The following SGCZ variants were observed in gnomAD, a reference collection of about 807,000 sequenced individuals.
The protein encoded by SGCZ is zeta-sarcoglycan.
A neutral mutation model predicts 41.3 loss-of-function variants in SGCZ; 40 were observed. The ratio of observed to expected loss-of-function variants is 0.97; its 90% CI spans 0.75 to 1.26. SGCZ has a LOEUF of 1.26. SGCZ is among the 50% of genes most tolerant of loss of function. SGCZ has a pLI of 0.00. For synonymous variants in SGCZ, 206 were observed against 137.5 expected, an observed-to-expected ratio of 1.50 and a Z score of -3.49; for missense variants, 552 against 369.8, an observed-to-expected ratio of 1.49 and a Z score of -4.04.
chr8:14,989,565 C>T (rs938684105), intron 1 of SGCZ, among the ~76,000 whole-genome samples: 4 of 152,002 alleles, frequency 2.6e-5, no homozygotes, highest in Non-Finnish European at 4.4e-5. Context: ...GCAACGTGCT[C>T]AGAGCAGAAG....
At chr8:14,163,922 A>C (rs1332646291) in intron 5 of SGCZ, among the ~76,000 whole-genome samples, 2 of 152,152 alleles carry the variant, frequency 1.3e-5, no homozygotes, top group Non-Finnish European at 2.9e-5. Context: ...TAAATGTGTT[A>C]TCAAAATAAA....
At chr8:15,218,972 C>T (rs569383902) in intron 1 of SGCZ, among the ~76,000 whole-genome samples, 32 of 152,244 alleles carry the variant, frequency 2.1e-4, no homozygotes, top group Admixed American at 4.6e-4. Context: ...AGAGAATGAG[C>T]GATCACTGGG....
At chr8:14,840,490 C>T (rs901899702) in intron 1 of SGCZ, among the ~76,000 whole-genome samples, 2 of 152,028 alleles carry the variant, frequency 1.3e-5, no homozygotes, top group Non-Finnish European at 2.9e-5. Context: ...ATTCACAGTA[C>T]TTCATCAAAT....
intron 1 of SGCZ, among the ~76,000 whole-genome samples, chr8:14,575,762 C>A (rs1420626138): frequency 6.6e-6 from 1 of 151,910 alleles, no homozygotes; most frequent in African/African-American, 2.4e-5. Flanking sequence ...AAAAACTGGC[C>A]TGGCATGGCG....
At chr8:14,637,363 T>A (rs913202752) in intron 1 of SGCZ, among the ~76,000 whole-genome samples, 2 of 151,752 alleles carry the variant, frequency 1.3e-5, no homozygotes, top group African/African-American at 4.8e-5. Context: ...ACGTGCAGGT[T>A]TGTTACACGA....
chr8:14,239,928 A>C lies in SGCZ; in HGVS notation c.337-2249T>G, dbSNP rs1332798919. Among the ~76,000 whole-genome samples, 8 of 99,736 alleles carry C rather than the reference A, an allele frequency of 8.0e-5. 1 individual carries two copies. Among genetic ancestry groups the C allele is most frequent in the African/African-American group, 2.7e-4 (8 of 29,538 alleles). 65.4% of individuals were successfully genotyped at this position (99,736 alleles called of 152,430 possible). On this transcript the variant is annotated intron_variant, in intron 3 of 7. Transcript: ENST00000382080. ...AAAAAAAAAAAAAAAAAAAAAAAAA[A>C]AAAAAAAAGAATTACTGCCTTATTA...
intron 3 of SGCZ, among the ~76,000 whole-genome samples, chr8:14,267,107 G>C (rs902542200): frequency 6.6e-6 from 1 of 152,016 alleles, no homozygotes; most frequent in Non-Finnish European, 1.5e-5. Flanking sequence ...GAGTGTGGTA[G>C]ATAATAGTCC....
At chr8:14,221,886 G>A (rs1280275973) in intron 4 of SGCZ, among the ~76,000 whole-genome samples, 2 of 151,842 alleles carry the variant, frequency 1.3e-5, no homozygotes, top group Admixed American at 6.6e-5. Flanking sequence ...GCTTGAACCC[G>A]GGAGGTGGAG....
At chr8:15,061,054 C>T (rs973366068) in intron 1 of SGCZ, among the ~76,000 whole-genome samples, 1 of 152,062 alleles carries the variant, frequency 6.6e-6, no homozygotes, top group Admixed American at 6.5e-5. Context: ...ATGATTGACC[C>T]AATCGTTGTT....
chr8:14,902,204 G>A (rs535033611), intron 1 of SGCZ, among the ~76,000 whole-genome samples: 1 of 152,220 alleles, frequency 6.6e-6, no homozygotes, highest in African/African-American at 2.4e-5. Context: ...CTCGTACCCA[G>A]ATCCCTTGTC....
chr8:14,741,539 A>C, intron 1 of SGCZ, among the ~76,000 whole-genome samples: 1 of 152,252 alleles, frequency 6.6e-6, no homozygotes, highest in East Asian at 1.9e-4. Flanking sequence ...GTAATAAAAT[A>C]AGTATTTACA....
chr8:14,757,028 C>T (rs1423016499), intron 1 of SGCZ, among the ~76,000 whole-genome samples: 1 of 152,158 alleles, frequency 6.6e-6, no homozygotes, highest in Non-Finnish European at 1.5e-5. Context: ...GAACTTACTT[C>T]ACCTTCCCCA....
At chr8:15,031,610 T>C (rs534495387) in intron 1 of SGCZ, among the ~76,000 whole-genome samples, 1 of 152,270 alleles carries the variant, frequency 6.6e-6, no homozygotes, top group African/African-American at 2.4e-5. Context: ...GGTTGGCAGC[T>C]AGTGAGGCTT....
At chr8:14,910,794 A>G (rs1210600236) in intron 1 of SGCZ, among the ~76,000 whole-genome samples, 1 of 152,026 alleles carries the variant, frequency 6.6e-6, no homozygotes, top group African/African-American at 2.4e-5. Flanking sequence ...AATACATTTA[A>G]GAAATTATTC....
At chr8:15,170,971 A>G (rs981926134) in intron 1 of SGCZ, among the ~76,000 whole-genome samples, 5 of 152,236 alleles carry the variant, frequency 3.3e-5, no homozygotes, top group Non-Finnish European at 7.3e-5. Context: ...GTGTATTCTA[A>G]CATTCTAAGT....
Position 15,015,253 on chromosome 8 carries a change from A to G in SGCZ, c.39+222332T>C, listed in dbSNP as rs373471080. The stretch of plus-strand genomic sequence containing the variant: ...GTGAGACTCCATCTTAAAAAAAAAA[A>G]ATTCTGAAGAAGTCTATTGGGATAA... On this transcript the variant is annotated intron_variant, in intron 1 of 7. Transcript: ENST00000382080. Among the ~76,000 whole-genome samples, 297 of 151,974 alleles carry G rather than the reference A, an allele frequency of 2.0e-3. 8 individuals carry two copies. The South Asian group carries it at 0.05, about 26-fold the overall frequency.
chr8:14,274,424 CAGAT>C (rs1458783491), intron 3 of SGCZ, among the ~76,000 whole-genome samples: 5 of 152,088 alleles, frequency 3.3e-5, no homozygotes, highest in African/African-American at 1.2e-4. Context: ...GTTTTAAACT[CAGAT>C]AGGGTTTAAC....
At chr8:14,571,884 A>G (rs1198323922) in intron 1 of SGCZ, among the ~76,000 whole-genome samples, 2 of 152,198 alleles carry the variant, frequency 1.3e-5, no homozygotes, top group African/African-American at 4.8e-5. Flanking sequence ...AATGCAGTCC[A>G]TGATACTTGC....
intron 1 of SGCZ, among the ~76,000 whole-genome samples, chr8:14,780,968 AG>A (rs961894999): frequency 2.0e-5 from 3 of 152,328 alleles, no homozygotes; most frequent in South Asian, 4.1e-4. Flanking sequence ...AAAAGAAACC[AG>A]GTTGTTGTCT....
Sources: gnomAD v4.1 joint callset for allele counts (sites outside exome capture counted in the v4.1 genomes callset) on GRCh38, gnomAD v4.1.1 for gene constraint, MANE v1.5 for transcripts, NCBI Gene and HGNC (gene_info 2026-07-23, HGNC 2026-07-21) for gene names.